The following SLC7A10 variants were observed in gnomAD, a reference collection of about 807,000 sequenced individuals.
SLC7A10 encodes solute carrier family 7 member 10.
SLC7A10 carries 30 observed loss-of-function variants against 52.7 expected under a neutral mutation model. That is an observed-to-expected ratio of 0.57 (90% CI 0.43 to 0.77). The LOEUF (loss-of-function observed/expected upper bound fraction) is 0.77. Ranked by LOEUF, SLC7A10 falls within the 30% of genes least tolerant of loss-of-function variation. The pLI, the probability that SLC7A10 is intolerant of heterozygous loss-of-function variation, is 0.00. For missense variants in SLC7A10, 581 were observed against 698.5 expected (o/e 0.83, Z 1.90); for synonymous variants, 318 against 314.9 (o/e 1.01, Z -0.10).
intron 1 of SLC7A10, chr19:33,220,043 G>A (rs993127041): frequency 4.7e-4 from 71 of 152,310 alleles, no homozygotes; most frequent in African/African-American, 1.6e-3. Context: ...GATCGGCTGC[G>A]GCCTGGGTGA....
In SLC7A10 at chr19:33,211,476, T is replaced by C; in HGVS notation, c.850A>G (p.Asn284Asp). The C allele has an allele frequency of 1.9e-6, 3 of 1,614,008 alleles. No individual in the cohort carries two copies. The highest frequency in any genetic ancestry group is 2.5e-6 in the Non-Finnish European group (3 of 1,180,000). The change falls in exon 6 of 11, where the codon AAC becomes GAC. Residue 284 changes from asparagine to aspartate, a missense_variant. By Grantham distance (23) the Asn-to-Asp change is conservative. Coordinates refer to ENST00000253188, the MANE Select transcript of SLC7A10 (RefSeq NM_019849.3). ...PLVTFVYTFT[N>D]IAYFTAMSPQ... ...GACATGGCCGTGAAGTAGGCAATGT[T>C]GGTGAACGTGTACACGAAGGTCACC...
At chr19:33,215,631 C>CCCCCACACCTTCTCTCCATCCA (rs1555733094) in intron 2 of SLC7A10, 138 bp downstream of exon 2, 93 of 446,998 alleles carry the variant, frequency 2.1e-4, no homozygotes, top group Non-Finnish European at 2.4e-4. Flanking sequence ...TCTCCATCCA[C>CCCCCACACCTTCTCTCCATCCA]CCCCCACACC....
intron 2 of SLC7A10, 134 bp downstream of exon 2, chr19:33,215,635 C>T (rs1184941067): frequency 2.2e-6 from 2 of 914,228 alleles, no homozygotes; most frequent in Middle Eastern, 3.6e-4. Flanking sequence ...CATCCACCCC[C>T]CACACCTTCT....
In SLC7A10 at chr19:33,210,804, A is replaced by G; in HGVS notation, c.1111T>C (p.Cys371Arg). ...CTGGCCCAGGTCCCCCAACTTACACAGACGAGGAGGGCGGGGATGGGGGTG... is the reference window on the plus strand; with the variant it reads ...CTGGCCCAGGTCCCCCAACTTACACGGACGAGGAGGGCGGGGATGGGGGTG... ...HCTPIPALLV[C>R]CGATAVIMLV... is the part of the protein sequence containing the mutation. The change falls in exon 8 of 11, where the codon TGT (cysteine) becomes CGT (arginine). Residue 371 changes from cysteine (C) to arginine (R), a missense_variant and splice_region_variant. By Grantham distance (180) the Cys-to-Arg change is radical. Transcript: ENST00000253188. This position sits in a 1 kb window ranked among gnomAD's most constrained non-coding sequence, Gnocchi z 5.6. The G allele has an allele frequency of 6.2e-7, 1 of 1,613,368 alleles. No homozygotes were observed. The highest frequency in any genetic ancestry group is 8.5e-7 in the Non-Finnish European group (1 of 1,179,972).
chr19:33,219,281 G>A (rs913182946), intron 1 of SLC7A10, among the ~76,000 whole-genome samples: 12 of 152,310 alleles, frequency 7.9e-5, no homozygotes, highest in Non-Finnish European at 1.8e-4. Context: ...AAGATGTTTG[G>A]CCTGATGGGG....
At chr19:33,213,942 G>A (rs1187228209) in intron 2 of SLC7A10, among the ~76,000 whole-genome samples, 2 of 152,128 alleles carry the variant, frequency 1.3e-5, no homozygotes, top group African/African-American at 4.8e-5. Flanking sequence ...CCTCCAGGGA[G>A]AGGACTGCCT....
intron 2 of SLC7A10, among the ~76,000 whole-genome samples, chr19:33,214,393 T>C (rs1405197645): frequency 6.6e-6 from 1 of 152,196 alleles, no homozygotes; most frequent in African/African-American, 2.4e-5. Context: ...CCACCTCCGC[T>C]GCACCCACCT....
Position 33,212,466 on chromosome 19 carries a change from G to C in SLC7A10, c.635-21C>G, listed in dbSNP as rs55640155. ...GTGTCCTGGAGGCCCAGAAGTCGGG[G>C]GTCAGCACCATCTCCCCAGCCCGGC... On this transcript the variant is annotated intron_variant, in intron 4 of 10. Coordinates refer to ENST00000253188, the MANE Select transcript of SLC7A10 (RefSeq NM_019849.3). The C allele has an allele frequency of 0.057, 91,643 of 1,613,870 alleles. 3,068 individuals carry two copies. Among genetic ancestry groups the C allele is most frequent in the Middle Eastern group, 0.071 (430 of 6,062 alleles).
intron 1 of SLC7A10, chr19:33,220,448 C>T (rs1974789494): frequency 6.6e-6 from 1 of 152,248 alleles, no homozygotes; most frequent in Admixed American, 6.5e-5. Context: ...GGATTGCTTC[C>T]TCCTCACTCG....
At chr19:33,216,124 G>T in intron 1 of SLC7A10, 151 bp from the exon 2 acceptor site, 1 of 665,916 alleles carries the variant, frequency 1.5e-6, no homozygotes, top group Non-Finnish European at 2.5e-6. Flanking sequence ...GGTGTTGAAT[G>T]CCACTGGCCC....
At chr19:33,211,620 G>C (rs1370686130) in intron 5 of SLC7A10, 83 bp from the exon 6 acceptor site, 2 of 1,608,332 alleles carry the variant, frequency 1.2e-6, no homozygotes, top group Non-Finnish European at 1.7e-6. Context: ...GCAGCTCATA[G>C]TCTCCATCTC....
Position 33,210,911 on chromosome 19 carries a change from A to G in SLC7A10, c.1017-13T>C. The G allele has an allele frequency of 6.2e-7, 1 of 1,611,906 alleles. No homozygotes were observed. The highest frequency in any genetic ancestry group is 1.1e-5 in the South Asian group (1 of 91,028). On this transcript the variant is annotated splice_polypyrimidine_tract_variant and intron_variant, in intron 7 of 10. Coordinates refer to ENST00000253188, the MANE Select transcript of SLC7A10 (RefSeq NM_019849.3). The surrounding 1 kb of genome is among the most constrained non-coding windows in gnomAD (Gnocchi z 5.6). ...AGAGAAGCACAGCCTAGCGTTGGGG[A>G]CAGATATGGGCACTGGCCACATCCT...
Position 33,212,110 on chromosome 19 carries a change from C to A in SLC7A10, c.788+182G>T. The A allele has an allele frequency of 1.4e-5, 11 of 812,168 alleles. No homozygotes were observed. In the South Asian group the frequency reaches 1.9e-4, roughly 14 times the overall value. The allele number at this position is 812,168 out of a possible 1,614,324, so 50.3% of individuals were successfully genotyped here. A position where few individuals can be genotyped will look rare whatever the true frequency, so the allele number is the denominator to read the frequency against. Reference sequence around the variant, plus strand: ...GTGACGTGTCCATAGCCAGAGAGAACAGGGCCAGGCTAGAATGCAAGCCCC... The same window carrying A: ...GTGACGTGTCCATAGCCAGAGAGAAAAGGGCCAGGCTAGAATGCAAGCCCC... On this transcript the variant is annotated intron_variant, in intron 5 of 10. Coordinates refer to ENST00000253188, the MANE Select transcript of SLC7A10 (RefSeq NM_019849.3).
chr19:33,216,537 C>T (rs1177352921), intron 1 of SLC7A10, among the ~76,000 whole-genome samples: 1 of 152,228 alleles, frequency 6.6e-6, no homozygotes, highest in Non-Finnish European at 1.5e-5. Flanking sequence ...AATAGCATCT[C>T]CTCCATGAAG....
intron 2 of SLC7A10, among the ~76,000 whole-genome samples, chr19:33,214,456 T>C (rs1406124230): frequency 6.6e-6 from 1 of 152,210 alleles, no homozygotes; most frequent in East Asian, 1.9e-4. Context: ...TCCTAAACGA[T>C]TTTAGAATCT....
At chr19:33,214,997 T>C (rs558370401) in intron 2 of SLC7A10, among the ~76,000 whole-genome samples, 64 of 152,302 alleles carry the variant, frequency 4.2e-4, no homozygotes, top group African/African-American at 1.5e-3. Context: ...CTGGGTGCAG[T>C]GCCTCACTCC....
intron 1 of SLC7A10, among the ~76,000 whole-genome samples, chr19:33,219,576 T>G (rs1301800454): frequency 6.6e-6 from 1 of 152,228 alleles, no homozygotes; most frequent in Non-Finnish European, 1.5e-5. Context: ...GTGCTGCCCT[T>G]CCGAGCCCCA....
chr19:33,209,133 C>T lies in SLC7A10; in HGVS notation c.1442-112G>A, dbSNP rs138302122. ...CTTCAGGGAGTTGCTCCGTCGGTAC[C>T]CGTGGTTCTGGAAACTTTGGGTACA... On this transcript the variant is annotated intron_variant, in intron 10 of 10. Transcript: ENST00000253188. 8,235 of 1,564,362 alleles carry T rather than the reference C, an allele frequency of 5.3e-3. 33 individuals are homozygous for T. The highest frequency in any genetic ancestry group is 6.1e-3 in the Non-Finnish European group (6,956 of 1,148,916).
At chr19:33,214,489 G>T (rs1281284008) in intron 2 of SLC7A10, among the ~76,000 whole-genome samples, 2 of 152,108 alleles carry the variant, frequency 1.3e-5, no homozygotes, top group East Asian at 3.9e-4. Context: ...GCAGCTCTTG[G>T]CACAACGCAG....
Sources: allele counts gnomAD v4.1 joint callset (sites outside exome capture counted in the v4.1 genomes callset), GRCh38; gene constraint gnomAD v4.1.1; non-coding constraint Gnocchi (gnomAD v3.1); transcripts MANE v1.5; gene names NCBI Gene and HGNC (gene_info 2026-07-23, HGNC 2026-07-21).